The following RECK variants were observed in gnomAD, a reference collection of about 807,000 sequenced individuals.
The protein encoded by RECK is reversion-inducing cysteine-rich protein with Kazal motifs.
Under a neutral mutation model 115.1 loss-of-function variants are expected in RECK, and 69 were observed. The observed-to-expected ratio is 0.60, with a 90% CI of 0.49 to 0.73. RECK has a LOEUF of 0.73. RECK is among the 30% of genes least tolerant of loss of function. The pLI, the probability that RECK is intolerant of heterozygous loss-of-function variation, is 0.00. For synonymous variants in RECK, 414 were observed against 419.7 expected (o/e 0.99, Z 0.17); for missense variants, 1,047 against 1,203.7 (o/e 0.87, Z 1.93).
At chr9:36,069,569 A>T (rs935725985) in intron 6 of RECK, among the ~76,000 whole-genome samples, 1 of 152,112 alleles carries the variant, frequency 6.6e-6, no homozygotes, top group African/African-American at 2.4e-5. Flanking sequence ...TACAAACACA[A>T]TGGATGGGTG....
chr9:36,077,590 G>A (rs933881690), intron 6 of RECK, among the ~76,000 whole-genome samples: 6 of 150,860 alleles, frequency 4.0e-5, no homozygotes, highest in Middle Eastern at 3.4e-3. Flanking sequence ...GAGGCAAGAT[G>A]GTATTAACAC....
chr9:36,120,729 T>C lies in RECK; in HGVS notation c.2531T>C (p.Ile844Thr), dbSNP rs1824429649. 1.9e-6 allele frequency: 3 copies of C among 1,602,930 alleles called. No homozygotes were observed. Among genetic ancestry groups the C allele is most frequent in the Non-Finnish European group, 2.6e-6 (3 of 1,169,768 alleles). The part of the protein sequence containing the change: ...VLFDKEKLDT[I>T]AKVTNKKPIT... ...TTTGACAAAGAAAAACTGGATACTA[T>C]TGCTAAGGTAAATTGCTTTATATTC... The change falls in exon 19 of 21, where the codon ATT becomes ACT. Residue 844 changes from isoleucine (I) to threonine (T), a missense_variant. Coordinates refer to ENST00000377966, the MANE Select transcript of RECK (RefSeq NM_021111.3).
chr9:36,090,995 ACAAT>A (rs1823136298), intron 9 of RECK, among the ~76,000 whole-genome samples, 165 bp from the exon 10 acceptor site: 1 of 152,234 alleles, frequency 6.6e-6, no homozygotes, highest in African/African-American at 2.4e-5. Context: ...TCCATGGAAA[ACAAT>A]CAACTTTTTC....
intron 4 of RECK, among the ~76,000 whole-genome samples, chr9:36,062,260 C>G (rs1405755344): frequency 1.3e-5 from 2 of 148,526 alleles, no homozygotes; most frequent in African/African-American, 4.9e-5. Context: ...TTCCCAGTTT[C>G]AAGCAATTCT....
In RECK at chr9:36,123,074, C is replaced by A. The variant is rs767418871; in HGVS notation, c.*29C>A. Reference sequence around the variant, plus strand: ...CCCACGGAAAGTGCAGAATGCTCCTCCACCTCACTCTCCTGCCTTGAAAAA... The same window carrying A: ...CCCACGGAAAGTGCAGAATGCTCCTACACCTCACTCTCCTGCCTTGAAAAA... On this transcript the variant is annotated 3_prime_UTR_variant, in exon 21 of 21. Transcript: ENST00000377966. 1.3e-6 allele frequency: 2 copies of A among 1,552,342 alleles called. No homozygotes were observed. The highest frequency in any genetic ancestry group is 8.9e-7 in the Non-Finnish European group (1 of 1,129,640).
In RECK at chr9:36,036,983, GC is replaced by G; in HGVS notation, c.-14del. The stretch of plus-strand genomic sequence containing the variant: ...GGTCCGAGCATCCCGCGGCTCTGGA[GC>G]CGCCCGGCCCGGACATGGCGACCGT... On this transcript the variant is annotated 5_prime_UTR_variant, in exon 1 of 21. Transcript: ENST00000377966. The G allele has an allele frequency of 7.1e-7, 1 of 1,413,986 alleles. No homozygotes were observed. The highest frequency in any genetic ancestry group is 9.2e-7 in the Non-Finnish European group (1 of 1,081,900). 87.6% of individuals were successfully genotyped at this position (1,413,986 alleles called of 1,614,324 possible).
intron 3 of RECK, among the ~76,000 whole-genome samples, chr9:36,059,528 T>C (rs1821675246): frequency 6.6e-6 from 1 of 152,196 alleles, no homozygotes; most frequent in African/African-American, 2.4e-5. Flanking sequence ...TTATGAAAAC[T>C]ATAATAACTA....
rs1250540453 is a variant in RECK at position 36,102,202 on chromosome 9, G to T, written c.1407G>T (p.Lys469Asn). Residue 469 changes from lysine to asparagine, a missense_variant, in exon 12 of 21, where the codon AAG becomes AAT. Coordinates refer to ENST00000377966, the MANE Select transcript of RECK (RefSeq NM_021111.3). ...CELLSPTDDLKNCIPLDTYLR... is the reference protein window; with the variant it reads ...CELLSPTDDLNNCIPLDTYLR... ...TTCTGTCACCTACAGATGATCTGAA[G>T]AATTGTATACCTTTGGATACATACC... The T allele has an allele frequency of 1.9e-6, 3 of 1,613,580 alleles. No individual in the cohort carries two copies. The highest frequency in any genetic ancestry group is 1.3e-5 in the African/African-American group (1 of 75,018).
At chr9:36,104,327 T>TATATATATATATATATA (rs1491333559) in intron 12 of RECK, among the ~76,000 whole-genome samples, 2 of 8,826 alleles carry the variant, frequency 2.3e-4, no homozygotes, top group African/African-American at 3.8e-4. Flanking sequence ...TATATATATA[T>TATATATATATATATATA]TTTTTTTTTT....
intron 6 of RECK, chr9:36,066,857 A>C: frequency 7.8e-7 from 1 of 1,288,132 alleles, no homozygotes; most frequent in Admixed American, 2.3e-5. Flanking sequence ...TTGATGAAGG[A>C]CAAGACAGGA....
chr9:36,041,430 C>G (rs893801913), intron 1 of RECK, among the ~76,000 whole-genome samples: 3 of 152,184 alleles, frequency 2.0e-5, no homozygotes. Flanking sequence ...TCTAAAAATA[C>G]TGACTGTTGA....
Position 36,118,767 on chromosome 9 carries a change from G to C in RECK, c.2264G>C (p.Arg755Thr), listed in dbSNP as rs757457751. The change falls in exon 18 of 21, where the codon AGA becomes ACA. Residue 755 changes from arginine (R) to threonine (T), a missense_variant. By Grantham distance (71) the Arg-to-Thr change is moderately conservative. Coordinates refer to ENST00000377966, the MANE Select transcript of RECK (RefSeq NM_021111.3). ...TTTGTTTGCCCTCAGCCCTTTTGCA[G>C]AGCAACCGAGCCCGTATGTGGGCAC... ...SYKGPCQPFC[R>T]ATEPVCGHNG... 1 of 1,613,806 alleles carries C rather than the reference G, an allele frequency of 6.2e-7. No homozygotes were observed. Among genetic ancestry groups the C allele is most frequent in the Non-Finnish European group, 8.5e-7 (1 of 1,179,922 alleles).
chr9:36,098,000 A>G lies in RECK; in HGVS notation c.1086-2331A>G, dbSNP rs116473397. Among the ~76,000 whole-genome samples the G allele has an allele frequency of 5.5e-3, 845 of 152,280 alleles. 5 individuals carry two copies. Among genetic ancestry groups the G allele is most frequent in the African/African-American group, 0.019 (779 of 41,548 alleles). On this transcript the variant is annotated intron_variant, in intron 10 of 20. Transcript: ENST00000377966. ...TCAAACTCATGGAAGCAGAGAATAG[A>G]ATAGTGGTTACCAGAGGGTGGCTGG... is the stretch of plus-strand genomic sequence containing the variant.
At position 36,087,600 on chromosome 9, in the gene RECK, C is replaced by G. The variant is rs1823012827; in HGVS notation, c.638-94C>G. On this transcript the variant is annotated intron_variant, in intron 8 of 20. Coordinates refer to ENST00000377966, the MANE Select transcript of RECK (RefSeq NM_021111.3). Reference sequence around the variant, plus strand: ...GCATGTGTATACCTATGTAACAAATCTGCACATTCTGCACATGTATCCCAG... The same window carrying G: ...GCATGTGTATACCTATGTAACAAATGTGCACATTCTGCACATGTATCCCAG... 2.3e-6 allele frequency: 3 copies of G among 1,313,088 alleles called. No homozygotes were observed. The South Asian group carries it at 4.3e-5, about 19-fold the overall frequency. The allele number at this position is 1,313,088 out of a possible 1,614,324, so 81.3% of individuals were successfully genotyped here.
At chr9:36,055,797 G>GT (rs898637816) in intron 2 of RECK, among the ~76,000 whole-genome samples, 1 of 152,004 alleles carries the variant, frequency 6.6e-6, no homozygotes, top group African/African-American at 2.4e-5. Context: ...GTACTTGTAG[G>GT]TTTTTTGCCT....
chr9:36,089,279 C>T (rs114056264), intron 9 of RECK, among the ~76,000 whole-genome samples: 3,317 of 152,170 alleles, frequency 0.022, 126 homozygotes, highest in African/African-American at 0.076. Flanking sequence ...TTGGAATGGC[C>T]GTGTTGTCCC....
In RECK at chr9:36,118,923, G is replaced by C. The variant is rs1824362900; in HGVS notation, c.2420G>C (p.Cys807Ser). ...GTCGCCGAGTGTGCTTCTGTCAAGT[G>C]TCCTTCGCTCTTGGCAGCTGGATGC... ...SSVAECASVK[C>S]PSLLAAGCKP... The change falls in exon 18 of 21, where the codon TGT becomes TCT. Residue 807 changes from cysteine (C) to serine (S), a missense_variant. Transcript: ENST00000377966. 6.2e-7 allele frequency: 1 copy of C among 1,613,222 alleles called. No individual in the cohort carries two copies. The highest frequency in any genetic ancestry group is 1.3e-5 in the African/African-American group (1 of 74,910).
intron 6 of RECK, among the ~76,000 whole-genome samples, chr9:36,069,666 G>A (rs1195279550): frequency 6.6e-6 from 1 of 152,000 alleles, no homozygotes; most frequent in Non-Finnish European, 1.5e-5. Context: ...AGGGGCATGG[G>A]GCTGAAAAAT....
intron 3 of RECK, among the ~76,000 whole-genome samples, chr9:36,059,808 A>G (rs1333405790): frequency 1.3e-5 from 2 of 152,226 alleles, no homozygotes; most frequent in East Asian, 3.8e-4. Flanking sequence ...GTTGATGATT[A>G]AATAGTTCTG....
Sources: gnomAD v4.1 joint callset for allele counts (sites outside exome capture counted in the v4.1 genomes callset) on GRCh38, gnomAD v4.1.1 for gene constraint, MANE v1.5 for transcripts, NCBI Gene and HGNC (gene_info 2026-07-23, HGNC 2026-07-21) for gene names.